FOXP1: variants seen among roughly 807,000 people sequenced by gnomAD.
FOXP1 encodes forkhead box P1.
In FOXP1, 15 loss-of-function variants were observed where a neutral mutation model predicts 98.2. The observed-to-expected ratio is 0.15, with a 90% CI of 0.10 to 0.24. The LOEUF is 0.24. Among genes scored for constraint, FOXP1 ranks in the 10% least tolerant of loss-of-function variants. The probability of loss-of-function intolerance (pLI) is 1.00; values close to 1 mark genes in which losing one functional copy is unlikely to be tolerated. For synonymous variants in FOXP1, 371 were observed against 314.5 expected (o/e 1.18, Z -1.90); for missense variants, 633 against 848.5 (o/e 0.75, Z 3.15).
intron 3 of FOXP1, among the ~76,000 whole-genome samples, chr3:71,456,461 T>TATAC (rs1219339617): frequency 2.0e-5 from 3 of 152,178 alleles, no homozygotes; most frequent in Non-Finnish European, 2.9e-5. Flanking sequence ...TTCATATACA[T>TATAC]ATTGTCAACA....
At chr3:71,162,825 G>C (rs1363166894) in intron 6 of FOXP1, among the ~76,000 whole-genome samples, 1 of 152,152 alleles carries the variant, frequency 6.6e-6, no homozygotes, top group East Asian at 1.9e-4. Context: ...TGATAGTCTA[G>C]CTACTGGGTA....
intron 3 of FOXP1, among the ~76,000 whole-genome samples, chr3:71,397,162 G>A (rs1268931491): frequency 7.0e-6 from 1 of 143,568 alleles, no homozygotes; most frequent in Non-Finnish European, 1.5e-5. Flanking sequence ...AGGCAGGGTT[G>A]GAAGCACGTG....
chr3:70,997,098 G>C (rs1488698780), intron 13 of FOXP1, among the ~76,000 whole-genome samples: 1 of 152,288 alleles, frequency 6.6e-6, no homozygotes, highest in East Asian at 1.9e-4. Context: ...ATAGGCTTTG[G>C]GTCAGTAATG....
intron 6 of FOXP1, among the ~76,000 whole-genome samples, chr3:71,180,862 C>A (rs776758501): frequency 4.6e-5 from 7 of 152,076 alleles, no homozygotes; most frequent in Admixed American, 2.0e-4. Context: ...CTTAACTCTG[C>A]GTCTAAATTT....
intron 5 of FOXP1, among the ~76,000 whole-genome samples, chr3:71,255,596 T>C (rs922038101): frequency 1.3e-5 from 2 of 152,148 alleles, no homozygotes; most frequent in African/African-American, 4.8e-5. Context: ...TGGAATTCAG[T>C]GGGGAGATGC....
intron 12 of FOXP1, among the ~76,000 whole-genome samples, chr3:71,009,418 G>C (rs73119636): frequency 0.082 from 12,500 of 152,140 alleles, 580 homozygotes; most frequent in African/African-American, 0.14. Context: ...TCGAGTTGCT[G>C]TGACAGACAC....
chr3:70,987,877 C>T (rs1334151074), intron 14 of FOXP1, 117 bp downstream of exon 14: 10 of 898,164 alleles, frequency 1.1e-5, no homozygotes, highest in South Asian at 7.1e-5. Flanking sequence ...CTAAGGCCCT[C>T]AAAACTCAAA....
At chr3:71,106,227 T>A (rs953988778) in intron 7 of FOXP1, among the ~76,000 whole-genome samples, 5 of 152,260 alleles carry the variant, frequency 3.3e-5, no homozygotes, top group African/African-American at 1.2e-4. Flanking sequence ...ACACTTTGCA[T>A]GTGGTGGCAA....
intron 2 of FOXP1, among the ~76,000 whole-genome samples, chr3:71,536,477 A>G (rs1242740966): frequency 1.3e-5 from 2 of 152,090 alleles, no homozygotes; most frequent in East Asian, 3.9e-4. Context: ...ACTACTAGGA[A>G]TGGAGACTGT....
Position 71,259,803 on chromosome 3 carries a change from G to A in FOXP1, c.-12+40017C>T, listed in dbSNP as rs141852805. Among the ~76,000 whole-genome samples, 26 of 152,334 alleles carry A rather than the reference G, an allele frequency of 1.7e-4. No individual in the cohort carries two copies. In the East Asian group the frequency reaches 3.7e-3, roughly 21 times the overall value. ...TGGGGAAATACTTAGTGATGTGGATGCCACCTGCTAGTTACGTATAAAGTC... is the reference window on the plus strand; with the variant it reads ...TGGGGAAATACTTAGTGATGTGGATACCACCTGCTAGTTACGTATAAAGTC... On this transcript the variant is annotated intron_variant, in intron 5 of 20. Transcript: ENST00000649528.
intron 5 of FOXP1, among the ~76,000 whole-genome samples, chr3:71,272,382 C>A (rs1438180166): frequency 2.0e-5 from 3 of 152,120 alleles, no homozygotes; most frequent in Non-Finnish European, 2.9e-5. Context: ...TAGAATTATA[C>A]CCAACAGTGG....
chr3:71,019,806 G>A (rs941251933), intron 11 of FOXP1, among the ~76,000 whole-genome samples: 1 of 151,864 alleles, frequency 6.6e-6, no homozygotes, highest in Non-Finnish European at 1.5e-5. Flanking sequence ...CTCCAGCCTG[G>A]GCGACAGATG....
chr3:71,384,888 T>C (rs2080450905), intron 3 of FOXP1, among the ~76,000 whole-genome samples: 1 of 152,184 alleles, frequency 6.6e-6, no homozygotes, highest in Non-Finnish European at 1.5e-5. Flanking sequence ...ACACATTTTC[T>C]AGAACCCTGA....
rs1175198067 is a variant in FOXP1 at position 70,999,033 on chromosome 3, T to G, written c.1062+1939A>C. ...TTATCATATAAATAAATGCAGGAGC[T>G]CCTATCACTTTATAAGTACCACCAA... On this transcript the variant is annotated intron_variant, in intron 13 of 20. Transcript: ENST00000649528. 4.6e-5 allele frequency among the ~76,000 whole-genome samples: 7 copies of G among 152,328 alleles called. 1 individual carries two copies. The South Asian group carries it at 1.2e-3, about 27-fold the overall frequency.
intron 6 of FOXP1, among the ~76,000 whole-genome samples, chr3:71,116,357 T>C (rs1312755980): frequency 6.6e-6 from 1 of 152,078 alleles, no homozygotes; most frequent in Admixed American, 6.6e-5. Flanking sequence ...GGGAAAAGGT[T>C]TGCAAACTTG....
intron 3 of FOXP1, among the ~76,000 whole-genome samples, chr3:71,414,098 G>A (rs760441096): frequency 1.3e-5 from 2 of 151,990 alleles, no homozygotes; most frequent in Non-Finnish European, 2.9e-5. Context: ...AAAAGCCACC[G>A]AGAAGCACCC....
At chr3:71,326,795 G>C (rs1162555632) in intron 4 of FOXP1, among the ~76,000 whole-genome samples, 3 of 152,148 alleles carry the variant, frequency 2.0e-5, no homozygotes, top group Non-Finnish European at 4.4e-5. Context: ...GTCAGAGTTG[G>C]GAGAGATGGA....
Position 71,046,702 on chromosome 3 carries a change from G to A in FOXP1, c.664+240C>T, listed in dbSNP as rs1255126036. On this transcript the variant is annotated intron_variant, in intron 10 of 20. Transcript: ENST00000649528. ...CGCCTCATTCTCTTACTCCAAGAGT[G>A]TCCAACAGTGGGATTGCTCTGTTAC... 1.3e-5 allele frequency among the ~76,000 whole-genome samples: 2 copies of A among 152,210 alleles called. 1 individual carries two copies.
intron 6 of FOXP1, among the ~76,000 whole-genome samples, chr3:71,126,746 C>A (rs2059209357): frequency 6.6e-6 from 1 of 151,494 alleles, no homozygotes; most frequent in Non-Finnish European, 1.5e-5. Flanking sequence ...ATCCCTTGAA[C>A]CCGTGAGATG....
Sources: allele counts gnomAD v4.1 joint callset (sites outside exome capture counted in the v4.1 genomes callset), GRCh38; gene constraint gnomAD v4.1.1; transcripts MANE v1.5; gene names NCBI Gene and HGNC (gene_info 2026-07-23, HGNC 2026-07-21).